The following HSD17B3 variants were observed in gnomAD, a reference collection of about 807,000 sequenced individuals.
The protein encoded by HSD17B3 is hydroxysteroid 17-beta dehydrogenase 3, also known as 17-beta-hydroxysteroid dehydrogenase type 3.
HSD17B3 carries 29 observed loss-of-function variants against 41.1 expected under a neutral mutation model. That is an observed-to-expected ratio of 0.71 (90% CI 0.53 to 0.96). The LOEUF (loss-of-function observed/expected upper bound fraction) is 0.96, where lower values mean the gene tolerates loss of function less well. Among genes scored for constraint, HSD17B3 ranks in the 40% least tolerant of loss-of-function variants. HSD17B3 has a pLI of 0.00. For missense variants in HSD17B3, 323 were observed against 374.6 expected, an observed-to-expected ratio of 0.86 and a Z score of 1.14; for synonymous variants, 126 against 145.6, an observed-to-expected ratio of 0.87 and a Z score of 0.97.
intron 2 of HSD17B3, among the ~76,000 whole-genome samples, chr9:96,272,240 G>C (rs761424957): frequency 6.7e-6 from 1 of 149,986 alleles, no homozygotes; most frequent in African/African-American, 2.5e-5. Flanking sequence ...GTGGTGGTAC[G>C]GACCTGTAGT....
chr9:96,241,157 T>G (rs1198157028), intron 9 of HSD17B3, among the ~76,000 whole-genome samples: 1 of 152,154 alleles, frequency 6.6e-6, no homozygotes, highest in Non-Finnish European at 1.5e-5. Context: ...ACAGTGTGAA[T>G]GGGAAGAACT....
chr9:96,255,367 CTTTTTTTTTT>C (rs869145717), intron 2 of HSD17B3, among the ~76,000 whole-genome samples: 10 of 54,562 alleles, frequency 1.8e-4, no homozygotes, highest in South Asian at 9.3e-4. Context: ...CCCAACATTT[CTTTTTTTTTT>C]TTTTTTTTTT....
chr9:96,267,652 A>T (rs1252071020), intron 2 of HSD17B3, among the ~76,000 whole-genome samples: 2 of 152,144 alleles, frequency 1.3e-5, no homozygotes, highest in Non-Finnish European at 2.9e-5. Context: ...AGGAGGGAAG[A>T]TACAATTGAT....
At position 96,272,441 on chromosome 9, in the gene HSD17B3, AT is replaced by A. The variant is rs1564048612; in HGVS notation, c.202-17499del. Among the ~76,000 whole-genome samples, 585 of 98,428 alleles carry A rather than the reference AT, an allele frequency of 5.9e-3. 2 individuals carry two copies. Among genetic ancestry groups the A allele is most frequent in the Non-Finnish European group, 9.2e-3 (451 of 48,990 alleles). 64.6% of individuals were successfully genotyped at this position (98,428 alleles called of 152,430 possible). ...TATATATATATATATATATATATAT[AT>A]ATATAAAATATATATGAATATAATA... is the stretch of plus-strand genomic sequence containing the variant. On this transcript the variant is annotated intron_variant, in intron 2 of 10. Coordinates refer to ENST00000375263, the MANE Select transcript of HSD17B3 (RefSeq NM_000197.2).
chr9:96,252,829 AG>A lies in HSD17B3; in HGVS notation c.358del (p.Ala121GlnfsTer3). The A allele has an allele frequency of 6.2e-7, 1 of 1,611,748 alleles. No individual in the cohort carries two copies. Among genetic ancestry groups the A allele is most frequent in the Non-Finnish European group, 8.5e-7 (1 of 1,177,936 alleles). On this transcript the variant is annotated frameshift_variant, in exon 4 of 11. Transcript: ENST00000375263. LOFTEE classifies it high-confidence loss of function. ...TAAAATTCCAATTTCTAAGCCTGCA[AG>A]TTTTTCTTTAATATGCTCGTAGATG... is the stretch of plus-strand genomic sequence containing the variant. ...DDIYEHIKEK[L>X]AGLEIGILVN...
intron 2 of HSD17B3, among the ~76,000 whole-genome samples, chr9:96,278,832 A>T (rs79102963): frequency 0.027 from 4,038 of 152,272 alleles, 189 homozygotes; most frequent in African/African-American, 0.092. Flanking sequence ...GTGCCTTACA[A>T]GGCAAGCAAG....
intron 2 of HSD17B3, among the ~76,000 whole-genome samples, chr9:96,267,381 C>T (rs1826080990): frequency 6.6e-6 from 1 of 152,024 alleles, no homozygotes; most frequent in South Asian, 2.1e-4. Context: ...TGGTCTCGAA[C>T]TCCTGACCTC....
intron 5 of HSD17B3, 139 bp from the exon 6 acceptor site, chr9:96,249,925 C>G: frequency 6.4e-7 from 1 of 1,555,740 alleles, no homozygotes; most frequent in Non-Finnish European, 8.7e-7. Context: ...AAATTAGGCT[C>G]ATAACTGCCT....
At chr9:96,246,402 G>GT (rs1008919315) in intron 7 of HSD17B3, 154 bp downstream of exon 7, 42 of 746,494 alleles carry the variant, frequency 5.6e-5, no homozygotes, top group Middle Eastern at 3.5e-4. Context: ...AGAACGTTAT[G>GT]TTTTTTTTCC....
chr9:96,277,566 A>G (rs565344533), intron 2 of HSD17B3, among the ~76,000 whole-genome samples: 10 of 152,206 alleles, frequency 6.6e-5, no homozygotes, highest in Non-Finnish European at 1.2e-4. Context: ...AAGACAAAAG[A>G]TAAGTATTGG....
chr9:96,290,640 C>A (rs1441754750), intron 2 of HSD17B3, among the ~76,000 whole-genome samples: 2 of 151,642 alleles, frequency 1.3e-5, no homozygotes, highest in African/African-American at 4.8e-5. Flanking sequence ...TTGAGACCAG[C>A]CTGGCCAACA....
At chr9:96,244,166 C>T (rs920591589) in intron 9 of HSD17B3, 163 bp downstream of exon 9, 31 of 768,154 alleles carry the variant, frequency 4.0e-5, no homozygotes, top group Middle Eastern at 4.9e-4. Flanking sequence ...CAAAAGCCCA[C>T]GTGGCATCCC....
chr9:96,299,500 G>A (rs1180075432), intron 1 of HSD17B3, among the ~76,000 whole-genome samples: 1 of 152,166 alleles, frequency 6.6e-6, no homozygotes, highest in African/African-American at 2.4e-5. Flanking sequence ...CTACAGGCAA[G>A]ATGATACCAT....
intron 6 of HSD17B3, among the ~76,000 whole-genome samples, chr9:96,248,065 T>A (rs1438370357): frequency 6.6e-6 from 1 of 152,108 alleles, no homozygotes; most frequent in East Asian, 1.9e-4. Context: ...GCTAAAGGAG[T>A]CAGAGGGTTG....
At chr9:96,275,524 G>A (rs1564050873) in intron 2 of HSD17B3, among the ~76,000 whole-genome samples, 1 of 151,826 alleles carries the variant, frequency 6.6e-6, no homozygotes, top group Non-Finnish European at 1.5e-5. Flanking sequence ...AGGTTGCAGT[G>A]AGCCAAGATC....
chr9:96,253,253 A>G (rs1825500030), intron 3 of HSD17B3, among the ~76,000 whole-genome samples: 2 of 152,306 alleles, frequency 1.3e-5, no homozygotes, highest in East Asian at 1.9e-4. Context: ...GACCTATTGC[A>G]TCAGAAACTC....
chr9:96,286,605 G>T (rs1413310540), intron 2 of HSD17B3, among the ~76,000 whole-genome samples: 1 of 151,474 alleles, frequency 6.6e-6, no homozygotes, highest in African/African-American at 2.4e-5. Flanking sequence ...CAGGAAAATT[G>T]CTTGAACCCA....
chr9:96,290,895 G>T (rs1280410736), intron 2 of HSD17B3, among the ~76,000 whole-genome samples: 1 of 151,684 alleles, frequency 6.6e-6, no homozygotes, highest in East Asian at 1.9e-4. Context: ...TCTAACTAGA[G>T]GACCAGAAAA....
chr9:96,272,736 T>G (rs1050394878), intron 2 of HSD17B3, among the ~76,000 whole-genome samples: 1 of 151,808 alleles, frequency 6.6e-6, no homozygotes, highest in Non-Finnish European at 1.5e-5. Flanking sequence ...AAATAAAGAC[T>G]TATGTTTACA....
Sources: allele counts gnomAD v4.1 joint callset (sites outside exome capture counted in the v4.1 genomes callset), GRCh38; gene constraint gnomAD v4.1.1; transcripts MANE v1.5; gene names NCBI Gene and HGNC (gene_info 2026-07-23, HGNC 2026-07-21).